MASP1: variants seen among roughly 807,000 people sequenced by gnomAD.
MASP1 encodes mannan-binding lectin serine protease 1.
MASP1 carries 59 observed loss-of-function variants against 77.1 expected under a neutral mutation model. The observed-to-expected ratio is 0.77, with a 90% CI of 0.62 to 0.95. The LOEUF (loss-of-function observed/expected upper bound fraction) is 0.95. Among genes scored for constraint, MASP1 ranks in the 40% least tolerant of loss-of-function variants. The pLI, the probability that MASP1 is intolerant of heterozygous loss-of-function variation, is 0.00. For synonymous variants in MASP1, 362 were observed against 354.5 expected, an observed-to-expected ratio of 1.02 and a Z score of -0.24; for missense variants, 885 against 912.9, an observed-to-expected ratio of 0.97 and a Z score of 0.39.
chr3:187,243,914 C>T (rs547738870), intron 8 of MASP1: 9 of 447,756 alleles, frequency 2.0e-5, no homozygotes, highest in African/African-American at 1.6e-4. Context: ...AAGCAGACTC[C>T]AGTCTTTTAC....
At chr3:187,240,720 C>T (rs1713567562) in intron 10 of MASP1, among the ~76,000 whole-genome samples, 4 of 152,120 alleles carry the variant, frequency 2.6e-5, no homozygotes. Context: ...TAGCCTCTGC[C>T]CCCTGGGTTC....
At chr3:187,223,346 G>T in intron 13 of MASP1, 1 of 710,232 alleles carries the variant, frequency 1.4e-6, no homozygotes. Context: ...AGACGTGAAA[G>T]GCAGCTGGGC....
intron 2 of MASP1, among the ~76,000 whole-genome samples, chr3:187,270,949 C>T (rs73886135): frequency 0.14 from 20,758 of 152,242 alleles, 2,249 homozygotes; most frequent in African/African-American, 0.3. Context: ...CCAGCTCAAA[C>T]GCCTGACCAC....
chr3:187,262,522 T>G, intron 3 of MASP1, 21 bp downstream of exon 3: 2 of 1,613,194 alleles, frequency 1.2e-6, no homozygotes, highest in Non-Finnish European at 1.7e-6. Context: ...GACCTGAGGA[T>G]GAGTCACTTC....
exon 13 of MASP1, chr3:187,225,375 G>A (rs1712355733): frequency 6.2e-7 from 1 of 1,613,992 alleles, no homozygotes; most frequent in Non-Finnish European, 8.5e-7. Context: ...AAGGCATTCA[G>A]CACTGGGCTC....
In MASP1 at chr3:187,284,375, C is replaced by T. The variant is rs377763543; in HGVS notation, c.237+1450G>A. On this transcript the variant is annotated intron_variant, in intron 2 of 10. Transcript: ENST00000296280. ...GGTGGGGCCGGGGCTGCTACTGGCACCTAGTTAGGGTAGAAGCTAGGGATG... is the reference window on the plus strand; with the variant it reads ...GGTGGGGCCGGGGCTGCTACTGGCATCTAGTTAGGGTAGAAGCTAGGGATG... Among the ~76,000 whole-genome samples the T allele has an allele frequency of 1.8e-4, 28 of 152,248 alleles. No homozygotes were observed. The South Asian group carries it at 5.4e-3, about 29-fold the overall frequency.
At chr3:187,279,433 G>T (rs541794886) in intron 2 of MASP1, among the ~76,000 whole-genome samples, 1 of 143,940 alleles carries the variant, frequency 6.9e-6, no homozygotes, top group Non-Finnish European at 1.5e-5. Flanking sequence ...TGTGAGATCG[G>T]AAATTTTATG....
chr3:187,236,422 A>C lies in MASP1; in HGVS notation c.1449T>G (p.Ser483Arg). 1 of 1,613,890 alleles carries C rather than the reference A, an allele frequency of 6.2e-7. No individual in the cohort carries two copies. The highest frequency in any genetic ancestry group is 1.1e-5 in the South Asian group (1 of 91,054). The change falls in exon 11 of 11, where the codon AGT (serine) becomes AGG (arginine). Residue 483 changes from serine (S) to arginine (R), a missense_variant. Transcript: ENST00000296280. ...TCCAGGACGCAGAGAGCAGGGCCCC[A>C]CTCCCAAACCACTTGTCATTTGGCA... Reference protein sequence around the residue: ...SRVPNDKWFGSGALLSASWIL... With the variant: ...SRVPNDKWFGRGALLSASWIL...
downstream of MASP1, among the ~76,000 whole-genome samples, chr3:187,233,102 T>G (rs1468140720): frequency 6.6e-6 from 1 of 152,198 alleles, no homozygotes; most frequent in Non-Finnish European, 1.5e-5. Context: ...GCACCATCCC[T>G]CATCAGGACA....
rs1050489558 is a variant in MASP1 at position 187,246,872 on chromosome 3, T to C, written c.1091-3251A>G. On this transcript the variant is annotated intron_variant, in intron 8 of 10. Transcript: ENST00000296280. The stretch of plus-strand genomic sequence containing the variant: ...TATTTGCTTTACCTACTCATGGTGG[T>C]TAAGAAAGCAGCAACAGGTAATACC... 54 of 1,022,196 alleles carry C rather than the reference T, an allele frequency of 5.3e-5. No homozygotes were observed. The South Asian group carries it at 1.7e-3, about 32-fold the overall frequency. The allele number at this position is 1,022,196 out of a possible 1,614,324, so 63.3% of individuals were successfully genotyped here.
chr3:187,271,940 G>C (rs1716561198), intron 2 of MASP1, among the ~76,000 whole-genome samples: 1 of 152,138 alleles, frequency 6.6e-6, no homozygotes, highest in Non-Finnish European at 1.5e-5. Context: ...AGAGATCTTT[G>C]CTTCATAAAC....
chr3:187,274,082 CCT>C (rs1716754752), intron 2 of MASP1, among the ~76,000 whole-genome samples: 1 of 152,056 alleles, frequency 6.6e-6, no homozygotes, highest in Admixed American at 6.5e-5. Flanking sequence ...CTGGCGGGCA[CCT>C]GTAATCCCAG....
downstream of MASP1, among the ~76,000 whole-genome samples, chr3:187,232,226 T>TC (rs113770534): frequency 1.6e-3 from 239 of 148,822 alleles, 1 homozygote; most frequent in African/African-American, 5.9e-3. Context: ...TCTGATCCCT[T>TC]CCCCCCCCCC....
chr3:187,249,540 G>GT (rs993740222), intron 8 of MASP1, among the ~76,000 whole-genome samples: 24 of 152,336 alleles, frequency 1.6e-4, no homozygotes, highest in African/African-American at 5.8e-4. Context: ...GTTGCAGGGG[G>GT]TGGTGGTGAG....
At position 187,235,703 on chromosome 3, in the gene MASP1, T is replaced by C. The variant is rs115897757; in HGVS notation, c.2168A>G (p.Glu723Gly). The C allele has an allele frequency of 3.2e-5, 52 of 1,614,140 alleles. No homozygotes were observed. In the East Asian group the frequency reaches 1.2e-3, roughly 36 times the overall value. The change falls in exon 11 of 11, where the codon GAG (glutamate) becomes GGG (glycine). Residue 723 changes from glutamate to glycine, a missense_variant. Glu to Gly is a moderately conservative substitution (Grantham distance 98, BLOSUM62 -2). Coordinates refer to ENST00000296280, the MANE Select transcript of MASP1 (RefSeq NM_139125.4). ...GTCAGCTCACCGTTCCACCTGGGGCTCCACAACACTTTGTGGTAAGCCCAT... is the reference window on the plus strand; with the variant it reads ...GTCAGCTCACCGTTCCACCTGGGGCCCCACAACACTTTGTGGTAAGCCCAT... The part of the protein sequence containing the change: ...EQMGLPQSVV[E>G]PQVER
chr3:187,241,880 C>T, intron 9 of MASP1: 1 of 322,346 alleles, frequency 3.1e-6, no homozygotes, highest in Non-Finnish European at 6.0e-6. Flanking sequence ...GGAATGTGAC[C>T]ATGTCCTTTC....
intron 11 of MASP1, among the ~76,000 whole-genome samples, chr3:187,226,808 C>T (rs1234049640): frequency 6.6e-6 from 1 of 152,170 alleles, no homozygotes; most frequent in Non-Finnish European, 1.5e-5. Flanking sequence ...TTGGTGAGAG[C>T]CAGAGAGCCC....
At chr3:187,282,027 A>G (rs1207293740) in intron 2 of MASP1, among the ~76,000 whole-genome samples, 2 of 151,956 alleles carry the variant, frequency 1.3e-5, no homozygotes, top group Admixed American at 6.6e-5. Flanking sequence ...CTGCTCACCC[A>G]CTCTCTGAAC....
downstream of MASP1, chr3:187,229,719 G>A: frequency 6.2e-7 from 1 of 1,611,296 alleles, no homozygotes; most frequent in Non-Finnish European, 8.5e-7. Flanking sequence ...CAAGGAGGGG[G>A]TTCAGTTCCT....
Sources: gnomAD v4.1 joint callset for allele counts (sites outside exome capture counted in the v4.1 genomes callset) on GRCh38, gnomAD v4.1.1 for gene constraint, MANE v1.5 for transcripts, NCBI Gene and HGNC (gene_info 2026-07-23, HGNC 2026-07-21) for gene names.